Variants in UBE2O observed in about 807,000 individuals in gnomAD.
UBE2O encodes ubiquitin conjugating enzyme E2 O.
In UBE2O, 15 loss-of-function variants were observed where a neutral mutation model predicts 125.8. That is an observed-to-expected ratio of 0.12 (90% CI 0.08 to 0.18). UBE2O has a LOEUF of 0.18. Among genes scored for constraint, UBE2O ranks in the 10% least tolerant of loss-of-function variants. The pLI, the probability that UBE2O is intolerant of heterozygous loss-of-function variation, is 1.00. For missense variants in UBE2O, 1,280 were observed against 1,723.6 expected, an observed-to-expected ratio of 0.74 and a Z score of 4.56; for synonymous variants, 708 against 703.2, an observed-to-expected ratio of 1.01 and a Z score of -0.11.
intron 1 of UBE2O, among the ~76,000 whole-genome samples, chr17:76,417,345 G>C (rs2072633055): frequency 6.6e-6 from 1 of 152,212 alleles, no homozygotes; most frequent in South Asian, 2.1e-4. Context: ...CCCTAGACGA[G>C]GACCTCTTCC....
chr17:76,399,380 C>T lies in UBE2O; in HGVS notation c.1628+69G>A. On this transcript the variant is annotated intron_variant, in intron 9 of 17. Transcript: ENST00000319380. The surrounding 1 kb of genome is among the most constrained non-coding windows in gnomAD (Gnocchi z 6.9). ...GTGTGTGCGAGCGCAGGCACGCACA[C>T]CGAGGGGACGCGCACTCTGCCTGGC... 6.8e-7 allele frequency: 1 copy of T among 1,480,680 alleles called. No homozygotes were observed. The highest frequency in any genetic ancestry group is 2.3e-5 in the East Asian group (1 of 44,174). 91.7% of individuals were successfully genotyped at this position (1,480,680 alleles called of 1,614,324 possible).
chr17:76,406,736 G>A lies in UBE2O; in HGVS notation c.418-1164C>T, dbSNP rs2072429298. 2.6e-5 allele frequency among the ~76,000 whole-genome samples: 3 copies of A among 116,158 alleles called. 1 individual carries two copies. The highest frequency in any genetic ancestry group is 4.8e-5 in the Non-Finnish European group (3 of 61,876). The allele number at this position is 116,158 out of a possible 152,430, so 76.2% of individuals were successfully genotyped here. A position where few individuals can be genotyped will look rare whatever the true frequency, so the allele number is the denominator to read the frequency against. ...TTTTTTTGAGATGGAGTCTCGCTGT[G>A]TTGCCCAAACTGGAGTGCAATGGCG... On this transcript the variant is annotated intron_variant, in intron 1 of 17. Transcript: ENST00000319380.
At chr17:76,433,904 C>T (rs924975052) in intron 1 of UBE2O, among the ~76,000 whole-genome samples, 2 of 152,152 alleles carry the variant, frequency 1.3e-5, no homozygotes, top group Admixed American at 6.5e-5. Context: ...TGGCGGTGCG[C>T]GCCTACAGGC....
At chr17:76,443,804 G>A (rs1276820460) in intron 1 of UBE2O, among the ~76,000 whole-genome samples, 1 of 152,148 alleles carries the variant, frequency 6.6e-6, no homozygotes, top group Admixed American at 6.5e-5. Flanking sequence ...AAGAGATAAA[G>A]AAAAGAGAGG....
chr17:76,394,163 C>T (rs1380771027), intron 15 of UBE2O, among the ~76,000 whole-genome samples: 1 of 152,214 alleles, frequency 6.6e-6, no homozygotes, highest in Non-Finnish European at 1.5e-5. Context: ...TCAACAGCAT[C>T]CCGCTTGGCT....
chr17:76,429,868 C>T (rs1441111108), intron 1 of UBE2O, among the ~76,000 whole-genome samples: 4 of 152,194 alleles, frequency 2.6e-5, no homozygotes, highest in African/African-American at 9.6e-5. Flanking sequence ...CTGCCCCTTG[C>T]TCTGCCCAAG....
chr17:76,398,107 G>A lies in UBE2O; in HGVS notation c.2025+148C>T. On this transcript the variant is annotated intron_variant, in intron 12 of 17. Transcript: ENST00000319380. This position sits in a 1 kb window ranked among gnomAD's most constrained non-coding sequence, Gnocchi z 5.4. ...AGCTGCTAGTGCTGAGCGGCAGCTT[G>A]ACTCTGGGGCAGCTGCCCTTCTGAG... 1 of 1,157,342 alleles carries A rather than the reference G, an allele frequency of 8.6e-7. No homozygotes were observed. Among genetic ancestry groups the A allele is most frequent in the Non-Finnish European group, 1.2e-6 (1 of 808,028 alleles). The allele number at this position is 1,157,342 out of a possible 1,614,324, so 71.7% of individuals were successfully genotyped here. A position where few individuals can be genotyped will look rare whatever the true frequency, so the allele number is the denominator to read the frequency against.
At chr17:76,407,619 G>A (rs533898428) in intron 1 of UBE2O, among the ~76,000 whole-genome samples, 3 of 152,324 alleles carry the variant, frequency 2.0e-5, no homozygotes, top group African/African-American at 4.8e-5. Flanking sequence ...AATCAGTGCC[G>A]TCACTGATGA....
At position 76,399,921 on chromosome 17, in the gene UBE2O, C is replaced by T. The variant is rs1266468451; in HGVS notation, c.1156G>A (p.Val386Met). ...ACCTGCTTCTTCAACAGGCGCTTCACCTGCAAGGGCGGAGCAGAGAGGACA... is the reference window on the plus strand; with the variant it reads ...ACCTGCTTCTTCAACAGGCGCTTCATCTGCAAGGGCGGAGCAGAGAGGACA... ...AQGEGSMAKK[V>M]KRLLKKQVVR... Residue 386 changes from valine to methionine, a missense_variant and splice_region_variant, in exon 9 of 18, where the codon GTG (valine) becomes ATG (methionine). Val to Met is a conservative substitution (Grantham distance 21). Coordinates refer to ENST00000319380, the MANE Select transcript of UBE2O (RefSeq NM_022066.4). This position sits in a 1 kb window ranked among gnomAD's most constrained non-coding sequence, Gnocchi z 6.9. 6.3e-7 allele frequency: 1 copy of T among 1,596,658 alleles called. No individual in the cohort carries two copies.
At chr17:76,420,170 G>T (rs1394697923) in intron 1 of UBE2O, among the ~76,000 whole-genome samples, 1 of 152,130 alleles carries the variant, frequency 6.6e-6, no homozygotes. Flanking sequence ...AAAATGCACC[G>T]TACCTTCCTA....
intron 1 of UBE2O, among the ~76,000 whole-genome samples, chr17:76,416,129 G>A (rs111783470): frequency 3.3e-5 from 5 of 151,544 alleles, no homozygotes; most frequent in African/African-American, 1.2e-4. Context: ...ATACATATAT[G>A]TGCGTGTATA....
intron 1 of UBE2O, among the ~76,000 whole-genome samples, chr17:76,409,540 C>T (rs2072482844): frequency 6.6e-6 from 1 of 152,096 alleles, no homozygotes; most frequent in African/African-American, 2.4e-5. Context: ...GGATTACAGG[C>T]ATGCACAACC....
At chr17:76,424,534 A>G (rs1402216272) in intron 1 of UBE2O, among the ~76,000 whole-genome samples, 1 of 152,066 alleles carries the variant, frequency 6.6e-6, no homozygotes, top group Non-Finnish European at 1.5e-5. Context: ...TATTCGTTAC[A>G]TTCTGAAATG....
chr17:76,427,828 T>C (rs949186352), intron 1 of UBE2O, among the ~76,000 whole-genome samples: 3 of 152,178 alleles, frequency 2.0e-5, no homozygotes, highest in African/African-American at 4.8e-5. Flanking sequence ...ATGGGGGAAA[T>C]TTTCTTGCAT....
rs549208583 is a variant in UBE2O, at chr17:76,399,034, C to A, written c.1629-43G>T. 12 of 1,603,030 alleles carry A rather than the reference C, an allele frequency of 7.5e-6. No homozygotes were observed. Among genetic ancestry groups the A allele is most frequent in the Admixed American group, 3.4e-5 (2 of 59,260 alleles). On this transcript the variant is annotated intron_variant, in intron 9 of 17. Coordinates refer to ENST00000319380, the MANE Select transcript of UBE2O (RefSeq NM_022066.4). The surrounding 1 kb of genome is among the most constrained non-coding windows in gnomAD (Gnocchi z 6.9). ...TCAGCAGGCCATGCAAACCCCACCC[C>A]CTCCGCGGAAAGGGCAGAGAGTCTT...
chr17:76,421,429 G>A (rs912134364), intron 1 of UBE2O, among the ~76,000 whole-genome samples: 3 of 151,990 alleles, frequency 2.0e-5, no homozygotes, highest in Non-Finnish European at 2.9e-5. Context: ...GTGCAATGGC[G>A]TGATCTCGGC....
rs543581646 is a variant in UBE2O at position 76,440,310 on chromosome 17, A to C, written c.417+12415T>G. On this transcript the variant is annotated intron_variant, in intron 1 of 17. Coordinates refer to ENST00000319380, the MANE Select transcript of UBE2O (RefSeq NM_022066.4). Reference sequence around the variant, plus strand: ...CATTGGGTTAAGTAAAATATATTAAAATTAATTTCATCTCTTTGTTTTTTT... The same window carrying C: ...CATTGGGTTAAGTAAAATATATTAACATTAATTTCATCTCTTTGTTTTTTT... Among the ~76,000 whole-genome samples the C allele has an allele frequency of 5.9e-5, 9 of 152,326 alleles. No individual in the cohort carries two copies. The South Asian group carries it at 1.9e-3, about 32-fold the overall frequency.
intron 5 of UBE2O, 89 bp from the exon 6 acceptor site, chr17:76,401,243 AC>A: frequency 6.7e-7 from 1 of 1,495,468 alleles, no homozygotes; most frequent in Non-Finnish European, 9.0e-7. Flanking sequence ...CTGGCTGCCC[AC>A]CTGCAGAAGC....
intron 1 of UBE2O, among the ~76,000 whole-genome samples, chr17:76,444,520 G>A (rs2073124649): frequency 1.3e-5 from 2 of 152,254 alleles, no homozygotes; most frequent in Non-Finnish European, 2.9e-5. Context: ...CTGGGTGACA[G>A]AGCATAAGGC....
Sources: allele counts gnomAD v4.1 joint callset (sites outside exome capture counted in the v4.1 genomes callset), GRCh38; gene constraint gnomAD v4.1.1; non-coding constraint Gnocchi (gnomAD v3.1); transcripts MANE v1.5; gene names NCBI Gene and HGNC (gene_info 2026-07-23, HGNC 2026-07-21).